Variants in MAF observed in about 807,000 individuals in gnomAD.
The protein encoded by MAF is MAF bZIP transcription factor, also known as transcription factor Maf.
A neutral mutation model predicts 22.0 loss-of-function variants in MAF; 10 were observed. That is an observed-to-expected ratio of 0.45 (90% CI 0.28 to 0.77). The LOEUF (loss-of-function observed/expected upper bound fraction) is 0.77. Among genes scored for constraint, MAF ranks in the 30% least tolerant of loss-of-function variants. The pLI is 0.12. For missense variants in MAF, 544 were observed against 548.4 expected (o/e 0.99, Z 0.08); for synonymous variants, 337 against 255.8 (o/e 1.32, Z -3.03).
At chr16:79,373,798 A>T in the MAF span, among the ~76,000 whole-genome samples, 1 of 152,296 alleles carries the variant, frequency 6.6e-6, no homozygotes, top group South Asian at 2.1e-4. Flanking sequence ...CCCTCACCAG[A>T]TGCAGTCCCT....
At chr16:79,245,377 C>G in the MAF span, among the ~76,000 whole-genome samples, 1 of 151,804 alleles carries the variant, frequency 6.6e-6, no homozygotes, top group Non-Finnish European at 1.5e-5. Context: ...GAAAAAGTAA[C>G]CCCATCAAAA....
the MAF span, chr16:79,516,173 C>T: frequency 2.0e-5 from 3 of 152,102 alleles, no homozygotes; most frequent in Admixed American, 6.6e-5. Flanking sequence ...GACCCTCGAA[C>T]AGGTCCAAGC....
At chr16:79,569,079 A>G in the MAF span, among the ~76,000 whole-genome samples, 2 of 152,128 alleles carry the variant, frequency 1.3e-5, no homozygotes, top group Non-Finnish European at 2.9e-5. Flanking sequence ...ATTCGTAGCA[A>G]CAATCTAGAA....
chr16:79,451,650 T>C, the MAF span, among the ~76,000 whole-genome samples: 451 of 152,306 alleles, frequency 3.0e-3, 3 homozygotes, highest in African/African-American at 0.01. Flanking sequence ...AAGTTTGAAG[T>C]ATATACATTT....
chr16:79,234,470 A>C, the MAF span, among the ~76,000 whole-genome samples: 1 of 152,216 alleles, frequency 6.6e-6, no homozygotes, highest in South Asian at 2.1e-4. Flanking sequence ...AATAGTTGTA[A>C]AATAGTGTAT....
At chr16:79,329,295 G>T in the MAF span, among the ~76,000 whole-genome samples, 1 of 152,140 alleles carries the variant, frequency 6.6e-6, no homozygotes, top group Non-Finnish European at 1.5e-5. Context: ...GAAATGGATG[G>T]TAATAATCCG....
At chr16:79,317,913 TTCAC>T in the MAF span, among the ~76,000 whole-genome samples, 36,523 of 144,360 alleles carry the variant, frequency 0.25, 4,504 homozygotes, top group Middle Eastern at 0.3. Flanking sequence ...CATTCATTCA[TTCAC>T]TCACTCACTC....
At chr16:79,567,560 T>C in the MAF span, among the ~76,000 whole-genome samples, 1 of 145,766 alleles carries the variant, frequency 6.9e-6, no homozygotes, top group East Asian at 1.9e-4. Context: ...GTTTTGTCTG[T>C]TTGTATATTT....
chr16:79,561,776 C>A, the MAF span, among the ~76,000 whole-genome samples: 2 of 152,198 alleles, frequency 1.3e-5, no homozygotes, highest in Admixed American at 1.3e-4. Flanking sequence ...CCGAATGAAA[C>A]TCAATGGACT....
At chr16:79,490,047 G>A in the MAF span, among the ~76,000 whole-genome samples, 2 of 152,180 alleles carry the variant, frequency 1.3e-5, no homozygotes, top group Non-Finnish European at 2.9e-5. Context: ...GGTTTGGAAC[G>A]GGTGTGTCTA....
In MAF at chr16:79,585,901, G is replaced by A. The variant is rs1009739275; in HGVS notation, c.*7C>T. On this transcript the variant is annotated 3_prime_UTR_variant, in exon 2 of 2. Coordinates refer to the MAF transcript ENST00000569649. Reference sequence around the variant, plus strand: ...GTACCTCTTTGACTTCAGGCAACTGGATTTTTTCACATCACTGATGTAGAG... The same window carrying A: ...GTACCTCTTTGACTTCAGGCAACTGAATTTTTTCACATCACTGATGTAGAG... 8.8e-6 allele frequency: 6 copies of A among 682,884 alleles called. No individual in the cohort carries two copies. In the African/African-American group the frequency reaches 1.1e-4, roughly 12 times the overall value. The allele number at this position is 682,884 out of a possible 1,614,324, so 42.3% of individuals were successfully genotyped here. A position where few individuals can be genotyped will look rare whatever the true frequency, so the allele number is the denominator to read the frequency against.
At chr16:79,463,520 C>T in the MAF span, among the ~76,000 whole-genome samples, 1 of 152,146 alleles carries the variant, frequency 6.6e-6, no homozygotes, top group Admixed American at 6.5e-5. Flanking sequence ...CCAGCCACCA[C>T]AGCAAACAGA....
chr16:79,449,376 A>T, the MAF span, among the ~76,000 whole-genome samples: 2 of 152,170 alleles, frequency 1.3e-5, no homozygotes, highest in African/African-American at 2.4e-5. Flanking sequence ...AAACCAAAAA[A>T]ATCATGTGAC....
At chr16:79,537,439 C>CA in the MAF span, among the ~76,000 whole-genome samples, 2 of 152,014 alleles carry the variant, frequency 1.3e-5, no homozygotes, top group Non-Finnish European at 2.9e-5. Context: ...TTGCAATGCC[C>CA]ATTTTACAGC....
At chr16:79,448,860 T>C in the MAF span, among the ~76,000 whole-genome samples, 546 of 152,164 alleles carry the variant, frequency 3.6e-3, 4 homozygotes, top group African/African-American at 0.012. Flanking sequence ...TCATGGAAGA[T>C]AATATTTTCC....
the MAF span, among the ~76,000 whole-genome samples, chr16:79,354,332 C>G: frequency 6.6e-6 from 1 of 152,168 alleles, no homozygotes; most frequent in South Asian, 2.1e-4. Context: ...AGGGATGCAA[C>G]AGGAGAGGAA....
chr16:79,381,989 C>A, the MAF span, among the ~76,000 whole-genome samples: 1 of 152,156 alleles, frequency 6.6e-6, no homozygotes, highest in Non-Finnish European at 1.5e-5. Context: ...TGACAGGGTA[C>A]CATTTATCAC....
the MAF span, among the ~76,000 whole-genome samples, chr16:79,234,002 A>G: frequency 2.0e-5 from 3 of 151,838 alleles, no homozygotes; most frequent in Non-Finnish European, 1.5e-5. Context: ...AAAAAAAAAA[A>G]AAAGAGAGTA....
At chr16:79,558,564 G>A in the MAF span, among the ~76,000 whole-genome samples, 1 of 152,148 alleles carries the variant, frequency 6.6e-6, no homozygotes, top group African/African-American at 2.4e-5. Flanking sequence ...AGACTTTTCG[G>A]GAATCAGCTC....
Sources: allele counts gnomAD v4.1 joint callset (sites outside exome capture counted in the v4.1 genomes callset), GRCh38; gene constraint gnomAD v4.1.1; transcripts MANE v1.5; gene names NCBI Gene and HGNC (gene_info 2026-07-23, HGNC 2026-07-21).